The following CEP295 variants were observed in gnomAD, a reference collection of about 807,000 sequenced individuals.
CEP295 encodes the protein centrosomal protein of 295 kDa.
In CEP295, 190 loss-of-function variants were observed where a neutral mutation model predicts 291.6. That is an observed-to-expected ratio of 0.65 (90% CI 0.58 to 0.73). The LOEUF is 0.73. Ranked by LOEUF, CEP295 falls within the 30% of genes least tolerant of loss-of-function variation. CEP295 has a pLI of 0.00. For missense variants in CEP295, 2,863 were observed against 2,949.4 expected (o/e 0.97, Z 0.68); for synonymous variants, 993 against 1,038.8 (o/e 0.96, Z 0.85).
intron 7 of CEP295, among the ~76,000 whole-genome samples, chr11:93,681,395 C>T (rs1311228282): frequency 7.6e-6 from 1 of 132,136 alleles, no homozygotes; most frequent in South Asian, 2.5e-4. Context: ...CGTCACCACA[C>T]CCAGCTAATT....
At chr11:93,671,567 T>C (rs560599320) in intron 5 of CEP295, among the ~76,000 whole-genome samples, 7 of 152,226 alleles carry the variant, frequency 4.6e-5, no homozygotes. Flanking sequence ...GTGGTACTTA[T>C]AAACTAAGAT....
In CEP295 at chr11:93,699,413, C is replaced by A. The variant is rs1442043161; in HGVS notation, c.4501C>A (p.His1501Asn). The part of the protein sequence containing the change: ...KVSSEHFIQS[H>N]HGDLQALQQQ... ...ATCTTCTGAGCATTTTATCCAGTCTCACCATGGTGATTTGCAGGCACTTCA... is the reference window on the plus strand; with the variant it reads ...ATCTTCTGAGCATTTTATCCAGTCTAACCATGGTGATTTGCAGGCACTTCA... Residue 1501 changes from histidine to asparagine, a missense_variant, in exon 15 of 30, where the codon CAC becomes AAC. Transcript: ENST00000325212. 2.9e-5 allele frequency: 45 copies of A among 1,551,772 alleles called. No homozygotes were observed. The highest frequency in any genetic ancestry group is 3.9e-5 in the Non-Finnish European group (45 of 1,146,994).
At chr11:93,706,550 G>A (rs562547596) in intron 17 of CEP295, among the ~76,000 whole-genome samples, 195 bp from the exon 18 acceptor site, 1 of 152,134 alleles carries the variant, frequency 6.6e-6, no homozygotes, top group Non-Finnish European at 1.5e-5. Context: ...GATGTGGTGA[G>A]GTAGCAGCAT....
chr11:93,727,215 G>A lies in CEP295; in HGVS notation c.6739G>A (p.Val2247Ile). Reference protein sequence around the residue: ...SVYSSSDEANVFDQLNVQHST... With the variant: ...SVYSSSDEANIFDQLNVQHST... ...CTACAGTTCATCTGATGAAGCTAAT[G>A]TATTTGATCAGTTAAATGTACAGCA... Residue 2247 changes from valine to isoleucine, a missense_variant, in exon 24 of 30, where the codon GTA (valine) becomes ATA (isoleucine). Around this residue, in one of 3 missense-constraint regions of CEP295, gnomAD observed 2,295 missense variants for 2,335.7 expected, o/e 0.98. Coordinates refer to ENST00000325212, the MANE Select transcript of CEP295 (RefSeq NM_033395.2). The A allele has an allele frequency of 1.3e-6, 2 of 1,551,566 alleles. No individual in the cohort carries two copies. The highest frequency in any genetic ancestry group is 8.7e-7 in the Non-Finnish European group (1 of 1,146,890).
intron 4 of CEP295, 104 bp from the exon 5 acceptor site, chr11:93,669,573 C>A: frequency 1.5e-6 from 1 of 667,338 alleles, no homozygotes; most frequent in Non-Finnish European, 2.6e-6. Context: ...CCTGTGGAAT[C>A]AGACTAGAGG....
chr11:93,689,782 T>C (rs2135023554), intron 10 of CEP295, among the ~76,000 whole-genome samples: 1 of 152,356 alleles, frequency 6.6e-6, no homozygotes, highest in South Asian at 2.1e-4. Flanking sequence ...TACATTGCTA[T>C]GTCCCCAGAG....
chr11:93,693,464 T>C (rs954505815), intron 12 of CEP295, among the ~76,000 whole-genome samples: 1 of 152,062 alleles, frequency 6.6e-6, no homozygotes, highest in African/African-American at 2.4e-5. Flanking sequence ...CTCAGATAAA[T>C]ACTTTCTCAG....
At chr11:93,718,804 T>C (rs1953461843) in intron 18 of CEP295, among the ~76,000 whole-genome samples, 1 of 151,976 alleles carries the variant, frequency 6.6e-6, no homozygotes, top group African/African-American at 2.4e-5. Context: ...ATCCAAAAAA[T>C]ATATTGTATT....
At chr11:93,666,859 A>C in intron 2 of CEP295, 44 bp downstream of exon 2, 2 of 1,060,646 alleles carry the variant, frequency 1.9e-6, no homozygotes, top group Admixed American at 2.2e-5. Context: ...TTTCTTCCTC[A>C]AATTACTTGT....
intron 5 of CEP295, among the ~76,000 whole-genome samples, chr11:93,675,100 T>C (rs1950626301): frequency 6.6e-6 from 1 of 152,184 alleles, no homozygotes. Context: ...TATTGGCAAG[T>C]GTTTCAGGAC....
At chr11:93,707,735 C>T (rs1952608644) in intron 18 of CEP295, among the ~76,000 whole-genome samples, 1 of 151,022 alleles carries the variant, frequency 6.6e-6, no homozygotes. Context: ...GGCGACAGAG[C>T]GAGACTCCGA....
intron 18 of CEP295, among the ~76,000 whole-genome samples, chr11:93,717,798 G>A (rs949817067): frequency 6.6e-6 from 1 of 152,080 alleles, no homozygotes; most frequent in Non-Finnish European, 1.5e-5. Flanking sequence ...CCATGGAATT[G>A]TTGATGTTTA....
Position 93,699,950 on chromosome 11 carries a change from G to GC in CEP295, c.5045dup (p.Ser1683LysfsTer2), listed in dbSNP as rs762289202. The GC allele has an allele frequency of 3.7e-4, 574 of 1,551,214 alleles. No individual in the cohort carries two copies. Among genetic ancestry groups the GC allele is most frequent in the Non-Finnish European group, 4.7e-4 (539 of 1,146,940 alleles). ...GTATTCATCCCAGAATGAACATGCA[G>GC]CCCCCCCAAGTAATCCTGTGATCCC... On this transcript the variant is annotated frameshift_variant, in exon 15 of 30. Coordinates refer to ENST00000325212, the MANE Select transcript of CEP295 (RefSeq NM_033395.2). LOFTEE classifies it high-confidence loss of function.
At chr11:93,673,916 T>A (rs1375993925) in intron 5 of CEP295, among the ~76,000 whole-genome samples, 2 of 150,894 alleles carry the variant, frequency 1.3e-5, no homozygotes, top group East Asian at 3.9e-4. Flanking sequence ...CACATCAGAC[T>A]GTACATTTTT....
chr11:93,711,245 A>G (rs980775884), intron 18 of CEP295, among the ~76,000 whole-genome samples: 4 of 152,110 alleles, frequency 2.6e-5, no homozygotes, highest in Admixed American at 1.3e-4. Context: ...TTAAATAGCT[A>G]TAAATTTCCC....
At chr11:93,695,294 C>G (rs1029223305) in intron 12 of CEP295, among the ~76,000 whole-genome samples, 1 of 152,108 alleles carries the variant, frequency 6.6e-6, no homozygotes, top group Admixed American at 6.5e-5. Context: ...ACTTCTATCC[C>G]TTTTTCTCTT....
intron 17 of CEP295, among the ~76,000 whole-genome samples, chr11:93,703,322 GAAA>G (rs1022878623): frequency 7.2e-6 from 1 of 138,180 alleles, no homozygotes; most frequent in African/African-American, 2.7e-5. Flanking sequence ...AAAGGAGATG[GAAA>G]AAAAAAAAAG....
chr11:93,666,354 A>G (rs1950206738), intron 1 of CEP295, among the ~76,000 whole-genome samples: 1 of 152,148 alleles, frequency 6.6e-6, no homozygotes, highest in South Asian at 2.1e-4. Context: ...AGCACTTTGG[A>G]AAGCTGAGGT....
At chr11:93,713,810 AGCTATTTTCTAG>A (rs1953066276) in intron 18 of CEP295, among the ~76,000 whole-genome samples, 1 of 152,104 alleles carries the variant, frequency 6.6e-6, no homozygotes, top group Non-Finnish European at 1.5e-5. Context: ...ACCCTTTTAA[AGCTATTTTCTAG>A]ATCTTGTAGG....
Sources: allele counts gnomAD v4.1 joint callset (sites outside exome capture counted in the v4.1 genomes callset), GRCh38; gene constraint gnomAD v4.1.1; regional missense constraint gnomAD v4.1.1; transcripts MANE v1.5; gene names NCBI Gene and HGNC (gene_info 2026-07-23, HGNC 2026-07-21).